NBEA: variants seen among roughly 807,000 people sequenced by gnomAD.
The protein encoded by NBEA is lysosomal-trafficking regulator 2.
A neutral mutation model predicts 343.4 loss-of-function variants in NBEA; 44 were observed. The ratio of observed to expected loss-of-function variants is 0.13; its 90% CI spans 0.10 to 0.16. The LOEUF (loss-of-function observed/expected upper bound fraction) is 0.16, where lower values mean the gene tolerates loss of function less well. Among genes scored for constraint, NBEA ranks in the 10% least tolerant of loss-of-function variants. The pLI is 1.00. For synonymous variants in NBEA, 1,175 were observed against 1,238.7 expected, an observed-to-expected ratio of 0.95 and a Z score of 1.08; for missense variants, 2,555 against 3,631.3, an observed-to-expected ratio of 0.70 and a Z score of 7.62.
rs1397311063 is a variant in NBEA at position 35,177,096 on chromosome 13, G to A, written c.4655G>A (p.Arg1552Gln). The part of the protein sequence containing the change: ...DINRLRAVVF[R>Q]DVDDSKQAQF... ...AATCGCCTTCGTGCTGTTGTCTTTC[G>A]GGATGTGGTAAGTTATACCTGATTG... The change falls in exon 28 of 59, where the codon CGG becomes CAG. Residue 1552 changes from arginine to glutamine, a missense_variant. This residue lies in a region of NBEA where 168 missense variants were observed against 193.0 expected (regional missense o/e 0.87). Transcript: ENST00000379939. 2 of 1,594,164 alleles carry A rather than the reference G, an allele frequency of 1.3e-6. No homozygotes were observed. Among genetic ancestry groups the A allele is most frequent in the Non-Finnish European group, 1.7e-6 (2 of 1,168,418 alleles).
intron 41 of NBEA, among the ~76,000 whole-genome samples, chr13:35,541,224 A>G (rs1039577704): frequency 2.6e-5 from 4 of 151,090 alleles, no homozygotes; most frequent in South Asian, 2.1e-4. Flanking sequence ...CTTTACATAC[A>G]TGTTTACATA....
intron 2 of NBEA, among the ~76,000 whole-genome samples, chr13:35,042,031 C>T (rs537839114): frequency 6.6e-6 from 1 of 151,820 alleles, no homozygotes; most frequent in South Asian, 2.1e-4. Flanking sequence ...AGTTCAGATA[C>T]CAGAGAATAC....
At chr13:35,305,531 G>T (rs986153015) in intron 35 of NBEA, among the ~76,000 whole-genome samples, 1 of 152,044 alleles carries the variant, frequency 6.6e-6, no homozygotes, top group Non-Finnish European at 1.5e-5. Context: ...GTGAATATGG[G>T]CAAAGGGACA....
intron 17 of NBEA, among the ~76,000 whole-genome samples, chr13:35,139,754 T>TTTTG (rs1555316333): frequency 4.2e-4 from 61 of 143,714 alleles, no homozygotes; most frequent in African/African-American, 1.4e-3. Context: ...GTTTTTTTTT[T>TTTTG]TTTTTTTTTT....
At chr13:35,139,760 T>G (rs1273229624) in intron 17 of NBEA, among the ~76,000 whole-genome samples, 25 of 146,616 alleles carry the variant, frequency 1.7e-4, no homozygotes, top group African/African-American at 5.6e-4. Flanking sequence ...TTTTTTTTTT[T>G]TTTTTTTTTT....
intron 36 of NBEA, among the ~76,000 whole-genome samples, chr13:35,341,927 G>A (rs190484129): frequency 6.6e-6 from 1 of 152,138 alleles, no homozygotes; most frequent in East Asian, 1.9e-4. Flanking sequence ...ATTCATAATA[G>A]CATAATTCCT....
In NBEA at chr13:35,285,849, C is replaced by T. The variant is rs368350128; in HGVS notation, c.5777-4540C>T. Among the ~76,000 whole-genome samples, 3 of 152,294 alleles carry T rather than the reference C, an allele frequency of 2.0e-5. No individual in the cohort carries two copies. The South Asian group carries it at 6.2e-4, about 32-fold the overall frequency. On this transcript the variant is annotated intron_variant, in intron 34 of 58. Coordinates refer to ENST00000379939, the MANE Select transcript of NBEA (RefSeq NM_001385012.1). Reference sequence around the variant, plus strand: ...AGTGTGCCATGTATGGCTCTGCTTCCTGCCTACCTCTCTGTCTTCATTTCC... The same window carrying T: ...AGTGTGCCATGTATGGCTCTGCTTCTTGCCTACCTCTCTGTCTTCATTTCC...
chr13:35,304,752 T>C (rs2036784106), intron 35 of NBEA, among the ~76,000 whole-genome samples: 1 of 152,102 alleles, frequency 6.6e-6, no homozygotes, highest in Admixed American at 6.6e-5. Context: ...AAAAAAATTG[T>C]TTTTAAAAAT....
At chr13:35,656,922 G>A (rs1349183054) in intron 55 of NBEA, among the ~76,000 whole-genome samples, 1 of 152,178 alleles carries the variant, frequency 6.6e-6, no homozygotes, top group African/African-American at 2.4e-5. Flanking sequence ...AAATCTACAA[G>A]ATGCCATGTT....
At chr13:35,615,892 A>T (rs546260518) in intron 48 of NBEA, among the ~76,000 whole-genome samples, 1 of 152,076 alleles carries the variant, frequency 6.6e-6, no homozygotes. Context: ...CCCTGTTTCT[A>T]TATCTTTTAC....
intron 40 of NBEA, among the ~76,000 whole-genome samples, chr13:35,467,391 A>G (rs1180471327): frequency 6.6e-6 from 1 of 152,038 alleles, no homozygotes; most frequent in Non-Finnish European, 1.5e-5. Flanking sequence ...AGAATCGCTT[A>G]AACCGGGAGG....
At chr13:35,175,654 C>A (rs896011825) in intron 27 of NBEA, among the ~76,000 whole-genome samples, 3 of 151,938 alleles carry the variant, frequency 2.0e-5, no homozygotes, top group Middle Eastern at 3.2e-3. Flanking sequence ...GGGTAAGTAG[C>A]GATGAATGTA....
At chr13:35,099,260 T>G (rs1369664495) in intron 11 of NBEA, among the ~76,000 whole-genome samples, 3 of 145,218 alleles carry the variant, frequency 2.1e-5, no homozygotes, top group Non-Finnish European at 4.5e-5. Flanking sequence ...GTGCACTGGC[T>G]CAATCTCGGC....
chr13:35,289,428 C>T (rs546427035), intron 34 of NBEA, among the ~76,000 whole-genome samples: 7 of 151,834 alleles, frequency 4.6e-5, no homozygotes, highest in South Asian at 2.1e-4. Context: ...TCATAATTAA[C>T]GTACTCTCAA....
chr13:35,615,062 C>T (rs919357803), intron 48 of NBEA, among the ~76,000 whole-genome samples: 4 of 149,224 alleles, frequency 2.7e-5, no homozygotes, highest in Middle Eastern at 3.2e-3. Context: ...GCAGATCGAT[C>T]GCTTGAGACC....
chr13:35,444,125 A>G (rs985596224), intron 39 of NBEA, among the ~76,000 whole-genome samples: 1 of 151,990 alleles, frequency 6.6e-6, no homozygotes, highest in African/African-American at 2.4e-5. Flanking sequence ...TTCGAACAAT[A>G]GGTTCCTCAG....
At chr13:34,990,790 C>T (rs991498707) in intron 1 of NBEA, among the ~76,000 whole-genome samples, 2 of 152,156 alleles carry the variant, frequency 1.3e-5, no homozygotes, top group Admixed American at 1.3e-4. Context: ...ATGCTGTTTC[C>T]TTTTTAAGTA....
At position 35,672,528 on chromosome 13, in the gene NBEA, A is replaced by G. The variant is rs1475501879; in HGVS notation, c.*1537A>G. The G allele has an allele frequency of 6.6e-6, 1 of 152,626 alleles. No homozygotes were observed. Among genetic ancestry groups the G allele is most frequent in the Non-Finnish European group, 1.5e-5 (1 of 68,036 alleles). 9.5% of individuals were successfully genotyped at this position (152,626 alleles called of 1,614,324 possible). ...TTAAGTTATTCATCACCAGGCTGTA[A>G]GCAATATCTTGAGTTTGTAGCTTAG... is the stretch of plus-strand genomic sequence containing the variant. On this transcript the variant is annotated 3_prime_UTR_variant, in exon 59 of 59. Transcript: ENST00000379939.
At chr13:34,976,847 G>T (rs989234482) in intron 1 of NBEA, among the ~76,000 whole-genome samples, 4 of 150,582 alleles carry the variant, frequency 2.7e-5, no homozygotes, top group Admixed American at 1.3e-4. Flanking sequence ...AAACCATTCT[G>T]TGCTACTTTT....
Sources: allele counts gnomAD v4.1 joint callset (sites outside exome capture counted in the v4.1 genomes callset), GRCh38; gene constraint gnomAD v4.1.1; regional missense constraint gnomAD v4.1.1; transcripts MANE v1.5; gene names NCBI Gene and HGNC (gene_info 2026-07-23, HGNC 2026-07-21).